The following ZNF708 variants were observed in gnomAD, a reference collection of about 807,000 sequenced individuals.
ZNF708 encodes zinc finger protein 708, also known as ZNF15, ZNF15L1.
ZNF708 carries 44 observed loss-of-function variants against 47.0 expected under a neutral mutation model. The ratio of observed to expected loss-of-function variants is 0.94; its 90% confidence interval spans 0.74 to 1.20. ZNF708 has a LOEUF of 1.20. ZNF708 is among the 50% of genes most tolerant of loss of function. The pLI, the probability that ZNF708 is intolerant of heterozygous loss-of-function variation, is 0.00. For synonymous variants in ZNF708, 184 were observed against 218.5 expected (o/e 0.84, Z 1.39); for missense variants, 557 against 656.0 (o/e 0.85, Z 1.65).
chr19:21,317,146 G>A (rs1265771091), intron 1 of ZNF708, among the ~76,000 whole-genome samples: 1 of 151,902 alleles, frequency 6.6e-6, no homozygotes, highest in Non-Finnish European at 1.5e-5. Context: ...CAGGCATGGT[G>A]GTGAGCATCT....
rs74797670 is a variant in ZNF708, at chr19:21,306,487, A to G, written c.226+2759T>C. 7.9e-5 allele frequency among the ~76,000 whole-genome samples: 12 copies of G among 152,286 alleles called. No individual in the cohort carries two copies. The East Asian group carries it at 2.1e-3, about 27-fold the overall frequency. On this transcript the variant is annotated intron_variant, in intron 3 of 3. Transcript: ENST00000356929. ...ATTTGAAAAGAAAAGCAAAATTAATAATTTATAGAGAAACACATAAAAAAG... is the reference window on the plus strand; with the variant it reads ...ATTTGAAAAGAAAAGCAAAATTAATGATTTATAGAGAAACACATAAAAAAG...
chr19:21,309,336 C>G lies in ZNF708; in HGVS notation c.136G>C (p.Ala46Pro). 2 of 1,583,282 alleles carry G rather than the reference C, an allele frequency of 1.3e-6. No homozygotes were observed. The highest frequency in any genetic ancestry group is 1.7e-6 in the Non-Finnish European group (2 of 1,166,910). ...NYRNLVFLGI[A>P]VSNLDLITCL... ...GTGATCAGGTCTAAATTAGACACAG[C>G]AATACCTGTTTTATTAAAAATAAAT... Residue 46 changes from alanine (A) to proline (P), a missense_variant, in exon 3 of 4, where the codon GCT becomes CCT. Coordinates refer to ENST00000356929, the MANE Select transcript of ZNF708 (RefSeq NM_021269.3).
At chr19:21,303,492 T>C (rs1972698486) in intron 3 of ZNF708, among the ~76,000 whole-genome samples, 1 of 151,950 alleles carries the variant, frequency 6.6e-6, no homozygotes, top group Admixed American at 6.6e-5. Flanking sequence ...AGGTGGAGGT[T>C]GCAGTGAGGC....
At position 21,293,057 on chromosome 19, in the gene ZNF708, T is replaced by C; in HGVS notation, c.*217A>G. On this transcript the variant is annotated 3_prime_UTR_variant, in exon 4 of 4. Transcript: ENST00000356929. ...TTTGTAGTTTCTCTCCAGTTTAAGT[T>C]TTTTTATGTTTAGTAAGATTTAGGG... The C allele has an allele frequency of 1.7e-6, 1 of 598,490 alleles. No individual in the cohort carries two copies. Among genetic ancestry groups the C allele is most frequent in the Admixed American group, 3.3e-5 (1 of 30,248 alleles). The allele number at this position is 598,490 out of a possible 1,614,324, so 37.1% of individuals were successfully genotyped here.
chr19:21,297,024 T>C (rs1599668558), intron 3 of ZNF708, among the ~76,000 whole-genome samples: 1 of 151,286 alleles, frequency 6.6e-6, no homozygotes, highest in African/African-American at 2.4e-5. Flanking sequence ...TCCCAGCTAC[T>C]TGGGAGGCTG....
chr19:21,316,788 CTT>C (rs869118560), intron 1 of ZNF708, among the ~76,000 whole-genome samples: 20 of 138,822 alleles, frequency 1.4e-4, no homozygotes, highest in Non-Finnish European at 1.1e-4. Flanking sequence ...TCCCATCTCT[CTT>C]TTTTTTTTTT....
At chr19:21,318,832 T>C (rs974992363) in intron 1 of ZNF708, 2 of 152,206 alleles carry the variant, frequency 1.3e-5, no homozygotes, top group Admixed American at 6.5e-5. Context: ...TGTCTATTTG[T>C]CCTGGAATGG....
At chr19:21,312,237 G>C (rs995899401) in intron 1 of ZNF708, among the ~76,000 whole-genome samples, 1 of 151,970 alleles carries the variant, frequency 6.6e-6, no homozygotes, top group African/African-American at 2.4e-5. Flanking sequence ...AGAGGTTGCA[G>C]TGAGCTGAGA....
intron 1 of ZNF708, among the ~76,000 whole-genome samples, chr19:21,318,982 T>A (rs1157674834): frequency 2.0e-5 from 3 of 152,164 alleles, no homozygotes; most frequent in African/African-American, 7.2e-5. Flanking sequence ...GCTATATAAA[T>A]AAATATAAAT....
At chr19:21,302,540 A>G (rs1340288644) in intron 3 of ZNF708, among the ~76,000 whole-genome samples, 1 of 151,362 alleles carries the variant, frequency 6.6e-6, no homozygotes, top group Admixed American at 6.6e-5. Context: ...TCTACTAAAA[A>G]TACAAAAAAT....
At chr19:21,321,704 A>AAAGG (rs371063076) in intron 1 of ZNF708, among the ~76,000 whole-genome samples, 27,299 of 140,890 alleles carry the variant, frequency 0.19, 2,802 homozygotes, top group Non-Finnish European at 0.22. Context: ...AGAAAGAAAG[A>AAAGG]AAGGAAGGAA....
At chr19:21,297,270 ATTTTTTTTTTTTTT>A (rs1157234305) in intron 3 of ZNF708, among the ~76,000 whole-genome samples, 3 of 46,678 alleles carry the variant, frequency 6.4e-5, no homozygotes, top group South Asian at 9.7e-4. Context: ...ATATATATAT[ATTTTTTTTTTTTTT>A]TTTTTTTTTT....
chr19:21,315,627 C>T (rs1422917066), intron 1 of ZNF708, among the ~76,000 whole-genome samples: 1 of 152,018 alleles, frequency 6.6e-6, no homozygotes, highest in Non-Finnish European at 1.5e-5. Flanking sequence ...TGATTAGCAG[C>T]AGTTACAATT....
intron 1 of ZNF708, among the ~76,000 whole-genome samples, chr19:21,325,619 C>A (rs1487025641): frequency 6.6e-6 from 1 of 152,030 alleles, no homozygotes; most frequent in Non-Finnish European, 1.5e-5. Flanking sequence ...AATTATAAAA[C>A]ATAACATTGG....
At chr19:21,312,022 C>T (rs552956909) in intron 1 of ZNF708, among the ~76,000 whole-genome samples, 107 of 152,136 alleles carry the variant, frequency 7.0e-4, no homozygotes, top group Non-Finnish European at 1.1e-3. Context: ...GGGCCAGGTG[C>T]GGTGGCTCAA....
chr19:21,293,920 G>A lies in ZNF708; in HGVS notation c.1046C>T (p.Ser349Leu), dbSNP rs1000995735. 1.2e-6 allele frequency: 2 copies of A among 1,613,394 alleles called. No individual in the cohort carries two copies. The highest frequency in any genetic ancestry group is 1.7e-6 in the Non-Finnish European group (2 of 1,179,808). The change falls in exon 4 of 4, where the codon TCA becomes TTA. Residue 349 changes from serine (S) to leucine (L), a missense_variant. Ser to Leu is a moderately radical substitution (Grantham distance 145). Transcript: ENST00000356929. ...AATTATCTTATGTTTAGTAAGGGTT[G>A]AAAATACACTAAAAGCTTTGCCACA... is the stretch of plus-strand genomic sequence containing the variant. ...EECGKAFSVF[S>L]TLTKHKIIHT...
Position 21,293,575 on chromosome 19 carries a change from G to C in ZNF708, c.1391C>G (p.Thr464Ser), listed in dbSNP as rs1339640358. 1 of 1,612,798 alleles carries C rather than the reference G, an allele frequency of 6.2e-7. No individual in the cohort carries two copies. Among genetic ancestry groups the C allele is most frequent in the South Asian group, 1.1e-5 (1 of 90,946 alleles). Reference protein sequence around the residue: ...GKTFNYSSNFTNHKKIHTGEK... With the variant: ...GKTFNYSSNFSNHKKIHTGEK... Reference sequence around the variant, plus strand: ...TCCAGTATGAATTTTTTTATGATTAGTAAAATTTGAGGAGTAGTTAAAAGT... The same window carrying C: ...TCCAGTATGAATTTTTTTATGATTACTAAAATTTGAGGAGTAGTTAAAAGT... The change falls in exon 4 of 4, where the codon ACT becomes AGT. Residue 464 changes from threonine (T) to serine (S), a missense_variant. Transcript: ENST00000356929.
chr19:21,291,501 A>G lies in ZNF708; in HGVS notation c.*1773T>C, dbSNP rs192594092. ...AATACAATAGAAATGAAGAAATAGC[A>G]TCAAGTAACTAGAGAGTTGAATCAC... is the stretch of plus-strand genomic sequence containing the variant. On this transcript the variant is annotated 3_prime_UTR_variant, in exon 4 of 4. Transcript: ENST00000356929. 1.3e-5 allele frequency: 2 copies of G among 152,320 alleles called. No homozygotes were observed. Among genetic ancestry groups the G allele is most frequent in the East Asian group, 3.9e-4 (2 of 5,190 alleles). 9.4% of individuals were successfully genotyped at this position (152,320 alleles called of 1,614,324 possible). A position where few individuals can be genotyped will look rare whatever the true frequency, so the allele number is the denominator to read the frequency against.
chr19:21,325,407 A>G (rs1382647749), intron 1 of ZNF708, among the ~76,000 whole-genome samples: 1 of 152,164 alleles, frequency 6.6e-6, no homozygotes, highest in Admixed American at 6.6e-5. Context: ...CCAGAAATAA[A>G]CCCAAATACT....
Sources: allele counts gnomAD v4.1 joint callset (sites outside exome capture counted in the v4.1 genomes callset), GRCh38; gene constraint gnomAD v4.1.1; transcripts MANE v1.5; gene names NCBI Gene and HGNC (gene_info 2026-07-23, HGNC 2026-07-21).